AP3B1: variants seen among roughly 807,000 people sequenced by gnomAD.
AP3B1 encodes adaptor related protein complex 3 subunit beta 1, also known as AP-3 complex subunit beta-1.
A neutral mutation model predicts 132.5 loss-of-function variants in AP3B1; 61 were observed. The observed-to-expected ratio is 0.46, with a 90% CI of 0.37 to 0.57. AP3B1 has a LOEUF of 0.57. Ranked by LOEUF, AP3B1 falls within the 20% of genes least tolerant of loss-of-function variation. The probability of loss-of-function intolerance (pLI) is 0.00; values close to 1 mark genes in which losing one functional copy is unlikely to be tolerated. For synonymous variants in AP3B1, 388 were observed against 438.3 expected (o/e 0.89, Z 1.43); for missense variants, 1,120 against 1,289.4 (o/e 0.87, Z 2.01).
chr5:78,177,913 T>C (rs1465576226), intron 8 of AP3B1, among the ~76,000 whole-genome samples: 1 of 152,202 alleles, frequency 6.6e-6, no homozygotes, highest in Admixed American at 6.5e-5. Flanking sequence ...GATTTCAGAC[T>C]TCTGGCTTCC....
At chr5:78,097,743 C>T (rs1163909995) in intron 21 of AP3B1, among the ~76,000 whole-genome samples, 2 of 151,876 alleles carry the variant, frequency 1.3e-5, no homozygotes, top group Admixed American at 6.5e-5. Flanking sequence ...AAGTGAGGAG[C>T]CCCTCTGCCC....
intron 13 of AP3B1, among the ~76,000 whole-genome samples, chr5:78,161,817 C>T (rs1340574557): frequency 2.6e-5 from 4 of 151,746 alleles, no homozygotes; most frequent in African/African-American, 9.7e-5. Flanking sequence ...AATTTTGTTC[C>T]AATTTTTTTC....
chr5:78,094,731 A>G (rs1349648853), intron 21 of AP3B1, among the ~76,000 whole-genome samples: 2 of 151,590 alleles, frequency 1.3e-5, no homozygotes, highest in Non-Finnish European at 2.9e-5. Context: ...CCCAGGCTGG[A>G]GTGCAGTGGT....
At position 78,279,833 on chromosome 5, in the gene AP3B1, TATATATATAGGACTTAA is replaced by T. The variant is rs1234970402; in HGVS notation, c.129-12255_129-12239del. Among the ~76,000 whole-genome samples, 1,113 of 142,100 alleles carry T rather than the reference TATATATATAGGACTTAA, an allele frequency of 7.8e-3. 14 individuals carry two copies. The highest frequency in any genetic ancestry group is 0.024 in the African/African-American group (961 of 39,746). The allele number at this position is 142,100 out of a possible 152,430, so 93.2% of individuals were successfully genotyped here. ...CTATATATGTATATATAGGTGTGTA[TATATATATAGGACTTAA>T]ATATATATAGGACTTAAATATATAT... On this transcript the variant is annotated intron_variant, in intron 1 of 26. Transcript: ENST00000255194.
At chr5:78,216,272 T>C in intron 6 of AP3B1, 35 bp from the exon 7 acceptor site, 1 of 1,593,610 alleles carries the variant, frequency 6.3e-7, no homozygotes, top group Non-Finnish European at 8.6e-7. Flanking sequence ...TATTAAAAAA[T>C]GTTTCTCCCC....
chr5:78,277,050 T>C (rs1748811160), intron 1 of AP3B1, among the ~76,000 whole-genome samples: 1 of 152,038 alleles, frequency 6.6e-6, no homozygotes, highest in South Asian at 2.1e-4. Flanking sequence ...TAAAACAGAC[T>C]AACATGTTTT....
chr5:78,094,498 G>C (rs1425865451), intron 21 of AP3B1, among the ~76,000 whole-genome samples: 2 of 152,122 alleles, frequency 1.3e-5, no homozygotes, highest in Non-Finnish European at 2.9e-5. Flanking sequence ...ATATAATAGA[G>C]AAATAGTAAG....
At chr5:78,193,770 A>ATATATATATATTTT in intron 7 of AP3B1, among the ~76,000 whole-genome samples, 31 of 67,194 alleles carry the variant, frequency 4.6e-4, no homozygotes, top group African/African-American at 1.6e-3. Flanking sequence ...ATATATATAT[A>ATATATATATATTTT]TTTTTTTTTT....
At chr5:78,243,987 T>G (rs1388155307) in intron 2 of AP3B1, among the ~76,000 whole-genome samples, 1 of 152,156 alleles carries the variant, frequency 6.6e-6, no homozygotes, top group Non-Finnish European at 1.5e-5. Context: ...CCAGAAGATA[T>G]GATACCATGG....
At chr5:78,073,588 T>C (rs1057164334) in intron 22 of AP3B1, among the ~76,000 whole-genome samples, 15 of 152,162 alleles carry the variant, frequency 9.9e-5, no homozygotes, top group African/African-American at 2.2e-4. Flanking sequence ...TTTTAAAAGA[T>C]AGAATTTCAG....
At chr5:78,221,774 TAAAA>T (rs199981655) in intron 6 of AP3B1, among the ~76,000 whole-genome samples, 1 of 150,438 alleles carries the variant, frequency 6.6e-6, no homozygotes, top group Non-Finnish European at 1.5e-5. Flanking sequence ...ATTATAATCT[TAAAA>T]AAAAACACTT....
intron 22 of AP3B1, among the ~76,000 whole-genome samples, chr5:78,071,156 C>T (rs763514604): frequency 4.6e-5 from 7 of 152,170 alleles, no homozygotes; most frequent in Admixed American, 6.5e-5. Flanking sequence ...ATGGAATCAA[C>T]CCAAATGCCC....
chr5:78,094,628 G>T (rs183653749), intron 21 of AP3B1, among the ~76,000 whole-genome samples: 2 of 152,022 alleles, frequency 1.3e-5, no homozygotes, highest in Non-Finnish European at 2.9e-5. Context: ...ACTTTATTCT[G>T]CCTAGTATAC....
chr5:78,223,427 G>T (rs1272787411), intron 6 of AP3B1, among the ~76,000 whole-genome samples: 1 of 152,062 alleles, frequency 6.6e-6, no homozygotes, highest in Non-Finnish European at 1.5e-5. Flanking sequence ...AACCACTGCA[G>T]GGGGGTGAGG....
At position 78,141,191 on chromosome 5, in the gene AP3B1, C is replaced by T; in HGVS notation, c.1602G>A (p.Leu534=). 1 of 1,613,820 alleles carries T rather than the reference C, an allele frequency of 6.2e-7. No homozygotes were observed. The highest frequency in any genetic ancestry group is 1.1e-5 in the South Asian group (1 of 91,072). Residue 534 remains leucine, a synonymous_variant, in exon 15 of 27, where the codon CTG becomes CTA. Transcript: ENST00000255194. ...SFTSEDDLVK[L]QILNLGAKLY... Reference sequence around the variant, plus strand: ...ATTTTGCTCCCAGATTTAATATCTGCAGTTTTACCAGATCATCTTCACTAG... The same window carrying T: ...ATTTTGCTCCCAGATTTAATATCTGTAGTTTTACCAGATCATCTTCACTAG...
intron 24 of AP3B1, among the ~76,000 whole-genome samples, chr5:78,026,108 AG>A (rs1747330356): frequency 6.6e-6 from 1 of 152,154 alleles, no homozygotes; most frequent in South Asian, 2.1e-4. Context: ...TTGATTAAAC[AG>A]GGGAGAGACA....
chr5:78,287,921 A>G (rs1057431475), intron 1 of AP3B1, among the ~76,000 whole-genome samples: 3 of 152,228 alleles, frequency 2.0e-5, no homozygotes, highest in Non-Finnish European at 4.4e-5. Context: ...TTAAATCTTC[A>G]TAACTAAAGA....
chr5:78,067,132 A>G (rs972449300), intron 22 of AP3B1, among the ~76,000 whole-genome samples: 1 of 152,222 alleles, frequency 6.6e-6, no homozygotes, highest in Non-Finnish European at 1.5e-5. Flanking sequence ...ACTTTCTGAC[A>G]AAACAGATTT....
intron 2 of AP3B1, among the ~76,000 whole-genome samples, chr5:78,242,155 T>C (rs745890269): frequency 7.2e-5 from 11 of 152,242 alleles, no homozygotes. Flanking sequence ...AATGATTTTA[T>C]GTAACATTCA....
Sources: gnomAD v4.1 joint callset for allele counts (sites outside exome capture counted in the v4.1 genomes callset) on GRCh38, gnomAD v4.1.1 for gene constraint, MANE v1.5 for transcripts, NCBI Gene and HGNC (gene_info 2026-07-23, HGNC 2026-07-21) for gene names.